The following NUMB variants were observed in gnomAD, a reference collection of about 807,000 sequenced individuals.
The protein encoded by NUMB is NUMB endocytic adaptor protein, also known as protein numb homolog.
NUMB carries 29 observed loss-of-function variants against 59.7 expected under a neutral mutation model. That is an observed-to-expected ratio of 0.49 (90% CI 0.36 to 0.66). The LOEUF (loss-of-function observed/expected upper bound fraction) is 0.66, where lower values mean the gene tolerates loss of function less well. Ranked by LOEUF, NUMB falls within the 30% of genes least tolerant of loss-of-function variation. The pLI is 0.00. For synonymous variants in NUMB, 288 were observed against 288.2 expected (o/e 1.00, Z 0.01); for missense variants, 723 against 822.0 (o/e 0.88, Z 1.47).
At chr14:73,360,905 T>C (rs1021263245) in intron 3 of NUMB, among the ~76,000 whole-genome samples, 2 of 152,154 alleles carry the variant, frequency 1.3e-5, no homozygotes, top group Admixed American at 1.3e-4. Flanking sequence ...TTTATTTTAT[T>C]TGGAGACAGG....
chr14:73,437,058 T>G (rs1448608741), intron 1 of NUMB, among the ~76,000 whole-genome samples: 2 of 129,064 alleles, frequency 1.5e-5, no homozygotes, highest in Non-Finnish European at 3.4e-5. Flanking sequence ...TTTTTTTTTT[T>G]TTTTGTTGAG....
chr14:73,445,373 A>AC (rs1883408726), intron 1 of NUMB, among the ~76,000 whole-genome samples: 1 of 141,000 alleles, frequency 7.1e-6, no homozygotes, highest in Non-Finnish European at 1.5e-5. Context: ...AAAAAAAAAA[A>AC]AAAAAAAAAA....
chr14:73,303,409 G>T (rs1025571071), intron 6 of NUMB, among the ~76,000 whole-genome samples: 1 of 151,856 alleles, frequency 6.6e-6, no homozygotes, highest in Non-Finnish European at 1.5e-5. Context: ...GTGAAACCCC[G>T]TCTCTACTAA....
chr14:73,360,091 T>C (rs1027565211), intron 3 of NUMB, among the ~76,000 whole-genome samples: 3 of 152,204 alleles, frequency 2.0e-5, no homozygotes, highest in Admixed American at 2.0e-4. Flanking sequence ...AAATGTAAAA[T>C]GGATCATGGC....
In NUMB at chr14:73,292,892, CAAAG is replaced by C. The variant is rs752456529; in HGVS notation, c.310-22_310-19del. 5.0e-6 allele frequency: 8 copies of C among 1,613,054 alleles called. No individual in the cohort carries two copies. The highest frequency in any genetic ancestry group is 4.0e-5 in the African/African-American group (3 of 74,770). On this transcript the variant is annotated intron_variant, in intron 7 of 12. Transcript: ENST00000555238. ...ATGAGGTCCTAGAAAATACGACACA[CAAAG>C]AAAGAGAAGACTTATGAGGTTATCT... is the stretch of plus-strand genomic sequence containing the variant.
chr14:73,372,845 A>T (rs1272639535), intron 2 of NUMB, among the ~76,000 whole-genome samples: 1 of 151,974 alleles, frequency 6.6e-6, no homozygotes, highest in Non-Finnish European at 1.5e-5. Context: ...ATTATTCATC[A>T]CTGTTTATAT....
At chr14:73,455,333 A>G (rs1251280454) in intron 1 of NUMB, among the ~76,000 whole-genome samples, 2 of 152,206 alleles carry the variant, frequency 1.3e-5, no homozygotes, top group African/African-American at 4.8e-5. Context: ...CCATAAAAAC[A>G]GATCTAAATC....
intron 2 of NUMB, among the ~76,000 whole-genome samples, chr14:73,367,376 C>G (rs866640572): frequency 0.039 from 2,885 of 73,530 alleles, 46 homozygotes; most frequent in Non-Finnish European, 0.051. Flanking sequence ...GAGAGAGAGA[C>G]AAATAGGATA....
rs1409491403 is a variant in NUMB at position 73,284,303 on chromosome 14, T to A, written c.727A>T (p.Thr243Ser). 6.2e-7 allele frequency: 1 copy of A among 1,613,782 alleles called. No individual in the cohort carries two copies. Among genetic ancestry groups the A allele is most frequent in the Non-Finnish European group, 8.5e-7 (1 of 1,179,956 alleles). ...GNTAPSPSSP[T>S]SPTSDATTSL... is the part of the protein sequence containing the mutation. ...GTCGTGGCATCAGAAGTAGGAGAGG[T>A]GGGAGAGGATGGGGATGGGGCAGTG... Residue 243 changes from threonine (T) to serine (S), a missense_variant, in exon 10 of 13, where the codon ACC (threonine) becomes TCC (serine). By Grantham distance (58) the Thr-to-Ser change is moderately conservative (BLOSUM62 1). Transcript: ENST00000555238.
At position 73,391,918 on chromosome 14, in the gene NUMB, A is replaced by G. The variant is rs925193044; in HGVS notation, c.-101+18019T>C. ...AAGACTGTTGTACATCTGTTTACCAATTCTACTGGGGAACTTCCTACCCAT... is the reference window on the plus strand; with the variant it reads ...AAGACTGTTGTACATCTGTTTACCAGTTCTACTGGGGAACTTCCTACCCAT... On this transcript the variant is annotated intron_variant, in intron 2 of 12. Coordinates refer to ENST00000555238, the MANE Select transcript of NUMB (RefSeq NM_001005743.2). 2.3e-4 allele frequency among the ~76,000 whole-genome samples: 35 copies of G among 152,194 alleles called. 1 individual carries two copies. The highest frequency in any genetic ancestry group is 8.2e-4 in the African/African-American group (34 of 41,438).
chr14:73,372,403 G>A (rs1302656978), intron 2 of NUMB, among the ~76,000 whole-genome samples: 2 of 119,260 alleles, frequency 1.7e-5, no homozygotes, highest in South Asian at 2.7e-4. Flanking sequence ...CAGTGTATAC[G>A]CATACACACA....
intron 4 of NUMB, among the ~76,000 whole-genome samples, chr14:73,334,727 C>T (rs542117630): frequency 6.6e-6 from 1 of 152,024 alleles, no homozygotes; most frequent in Non-Finnish European, 1.5e-5. Context: ...GGTGGATCAC[C>T]TGAAGTCAGG....
At chr14:73,295,293 T>C (rs1480393948) in intron 7 of NUMB, among the ~76,000 whole-genome samples, 3 of 152,186 alleles carry the variant, frequency 2.0e-5, no homozygotes, top group African/African-American at 7.2e-5. Context: ...GGTGGGAAGA[T>C]GGTCCCAATG....
intron 1 of NUMB, among the ~76,000 whole-genome samples, chr14:73,421,544 ATAT>A (rs1428942722): frequency 6.6e-6 from 1 of 152,304 alleles, no homozygotes; most frequent in African/African-American, 2.4e-5. Context: ...CCTAAAATTC[ATAT>A]TATTACGGAA....
chr14:73,330,887 C>T (rs1159815014), intron 4 of NUMB, among the ~76,000 whole-genome samples: 1 of 152,068 alleles, frequency 6.6e-6, no homozygotes, highest in East Asian at 1.9e-4. Flanking sequence ...AGCTGGAAAC[C>T]CAGGGATACC....
chr14:73,370,597 C>A (rs1894617149), intron 2 of NUMB, among the ~76,000 whole-genome samples: 1 of 151,870 alleles, frequency 6.6e-6, no homozygotes, highest in South Asian at 2.1e-4. Flanking sequence ...GAGGCTGAGG[C>A]AGGAGAATTG....
chr14:73,378,034 CACAT>C (rs199926893), intron 2 of NUMB, among the ~76,000 whole-genome samples: 2,479 of 151,634 alleles, frequency 0.016, 68 homozygotes, highest in African/African-American at 0.057. Flanking sequence ...CACACACACA[CACAT>C]ACCAAAAAAC....
rs538204527 is a variant in NUMB, at chr14:73,294,766, G to A, written c.310-1892C>T. 2.7e-5 allele frequency among the ~76,000 whole-genome samples: 4 copies of A among 147,052 alleles called. No individual in the cohort carries two copies. In the East Asian group the frequency reaches 6.2e-4, roughly 23 times the overall value. ...ACTACTGGACTCAAGTGATCCACCC[G>A]CCTTGGCCTCCCAAAGTGCTGGGAT... On this transcript the variant is annotated intron_variant, in intron 7 of 12. Coordinates refer to ENST00000555238, the MANE Select transcript of NUMB (RefSeq NM_001005743.2).
At chr14:73,396,443 G>T (rs1594987276) in intron 2 of NUMB, among the ~76,000 whole-genome samples, 1 of 151,950 alleles carries the variant, frequency 6.6e-6, no homozygotes, top group Admixed American at 6.6e-5. Flanking sequence ...ATACTCCTGG[G>T]CTCAAGGGAT....
Sources: gnomAD v4.1 joint callset for allele counts (sites outside exome capture counted in the v4.1 genomes callset) on GRCh38, gnomAD v4.1.1 for gene constraint, MANE v1.5 for transcripts, NCBI Gene and HGNC (gene_info 2026-07-23, HGNC 2026-07-21) for gene names.